Variants in CSMD2 observed in about 807,000 individuals in gnomAD.
The protein encoded by CSMD2 is CUB and Sushi multiple domains 2.
CSMD2 carries 130 observed loss-of-function variants against 398.5 expected under a neutral mutation model. The observed-to-expected ratio is 0.33, with a 90% CI of 0.28 to 0.38. CSMD2 has a LOEUF of 0.38. Ranked by LOEUF, CSMD2 falls within the 10% of genes least tolerant of loss-of-function variation. The pLI is 1.00. For missense variants in CSMD2, 3,829 were observed against 4,764.9 expected (o/e 0.80, Z 5.78); for synonymous variants, 1,828 against 1,908.5 (o/e 0.96, Z 1.10).
At chr1:33,557,583 T>C (rs1658130135) in intron 55 of CSMD2, 151 bp downstream of exon 55, 1 of 705,102 alleles carries the variant, frequency 1.4e-6, no homozygotes, top group Non-Finnish European at 2.3e-6. Flanking sequence ...GTAGCCAGAG[T>C]GACTGTCACC....
chr1:33,634,071 G>T (rs907322936), intron 31 of CSMD2, among the ~76,000 whole-genome samples: 2 of 152,340 alleles, frequency 1.3e-5, no homozygotes, highest in South Asian at 4.1e-4. Context: ...CTGGGTAGCA[G>T]ATCAGATTGG....
At chr1:33,947,198 T>C (rs944866907) in intron 3 of CSMD2, among the ~76,000 whole-genome samples, 8 of 152,228 alleles carry the variant, frequency 5.3e-5, no homozygotes, top group African/African-American at 1.9e-4. Context: ...CCTGGAAGGT[T>C]ACTCTATCCC....
chr1:33,671,848 C>T (rs529714), intron 25 of CSMD2, among the ~76,000 whole-genome samples: 143,153 of 152,236 alleles, frequency 0.94, 67,407 homozygotes, highest in African/African-American at 0.98. Flanking sequence ...TCTGAGATCA[C>T]GGTCCTCAGT....
At chr1:33,747,237 T>G (rs1557832758) in intron 13 of CSMD2, among the ~76,000 whole-genome samples, 1 of 152,246 alleles carries the variant, frequency 6.6e-6, no homozygotes, top group Non-Finnish European at 1.5e-5. Context: ...ATTTAAATAA[T>G]TTATGTAAAC....
rs982051407 is a variant in CSMD2 at position 33,537,246 on chromosome 1, G to T, written c.9806-151C>A. 1.8e-6 allele frequency: 2 copies of T among 1,111,844 alleles called. No homozygotes were observed. Among genetic ancestry groups the T allele is most frequent in the Admixed American group, 2.0e-5 (1 of 50,100 alleles). The allele number at this position is 1,111,844 out of a possible 1,614,324, so 68.9% of individuals were successfully genotyped here. ...CCCCACCTGAGCCTTGGCCCTGGCTGTCTATTTGACTCCTCGAAGCACACT... is the reference window on the plus strand; with the variant it reads ...CCCCACCTGAGCCTTGGCCCTGGCTTTCTATTTGACTCCTCGAAGCACACT... On this transcript the variant is annotated intron_variant, in intron 61 of 70. Transcript: ENST00000373381. This position sits in a 1 kb window ranked among gnomAD's most constrained non-coding sequence, Gnocchi z 4.6.
chr1:33,626,453 C>T (rs1642133841), intron 33 of CSMD2, 33 bp downstream of exon 33: 1 of 1,498,134 alleles, frequency 6.7e-7, no homozygotes, highest in Non-Finnish European at 9.1e-7. Context: ...ACCGAGATCA[C>T]CTTCCTACCT....
chr1:33,680,147 CCTTTTTT>C (rs1473394415), intron 25 of CSMD2, among the ~76,000 whole-genome samples: 23 of 66,236 alleles, frequency 3.5e-4, no homozygotes, highest in African/African-American at 1.4e-3. Context: ...GATGGCCTCG[CCTTTTTT>C]TTTTTTTTTT....
chr1:34,056,323 T>C (rs1186245042), intron 2 of CSMD2, among the ~76,000 whole-genome samples: 1 of 152,196 alleles, frequency 6.6e-6, no homozygotes, highest in Non-Finnish European at 1.5e-5. Flanking sequence ...TTCCTTCATG[T>C]TTCTGCCTCA....
At chr1:34,118,916 T>C (rs1158719609) in intron 1 of CSMD2, among the ~76,000 whole-genome samples, 1 of 152,092 alleles carries the variant, frequency 6.6e-6, no homozygotes, top group African/African-American at 2.4e-5. Flanking sequence ...TTTGCAGAAA[T>C]AGAAAAAGCC....
intron 7 of CSMD2, among the ~76,000 whole-genome samples, chr1:33,821,887 A>T (rs938764491): frequency 1.3e-5 from 2 of 152,168 alleles, no homozygotes; most frequent in African/African-American, 2.4e-5. Context: ...ACACGGCAAC[A>T]GAGATGACAA....
chr1:34,154,430 G>A (rs1003638593), intron 1 of CSMD2, among the ~76,000 whole-genome samples: 1 of 152,212 alleles, frequency 6.6e-6, no homozygotes, highest in African/African-American at 2.4e-5. Context: ...AAATGGGAAT[G>A]TACAAGGATG....
chr1:33,957,072 C>G (rs981651811), intron 3 of CSMD2, among the ~76,000 whole-genome samples: 2 of 152,024 alleles, frequency 1.3e-5, no homozygotes, highest in Non-Finnish European at 2.9e-5. Flanking sequence ...GAGGCCTCCC[C>G]TCACCACACA....
At chr1:33,727,154 GTTAA>G (rs1646561867) in intron 15 of CSMD2, among the ~76,000 whole-genome samples, 1 of 152,218 alleles carries the variant, frequency 6.6e-6, no homozygotes. Flanking sequence ...CATGGGATGT[GTTAA>G]TTGTGTTACA....
At chr1:33,541,768 G>A (rs1350388896) in intron 58 of CSMD2, among the ~76,000 whole-genome samples, 1 of 152,220 alleles carries the variant, frequency 6.6e-6, no homozygotes, top group African/African-American at 2.4e-5. Context: ...GAAGTATCCA[G>A]AGGGCTCAGT....
chr1:33,990,762 GT>G (rs1646524000), intron 3 of CSMD2, among the ~76,000 whole-genome samples: 1 of 152,160 alleles, frequency 6.6e-6, no homozygotes, highest in East Asian at 1.9e-4. Context: ...CCAGCCTTAG[GT>G]TGAGGCCAGG....
chr1:33,995,555 G>C (rs1315253122), intron 3 of CSMD2, among the ~76,000 whole-genome samples: 1 of 152,172 alleles, frequency 6.6e-6, no homozygotes, highest in African/African-American at 2.4e-5. Flanking sequence ...TCAAGACCCA[G>C]GGCTTGTGCA....
At chr1:33,773,189 A>T (rs572548962) in intron 12 of CSMD2, among the ~76,000 whole-genome samples, 1 of 152,330 alleles carries the variant, frequency 6.6e-6, no homozygotes, top group African/African-American at 2.4e-5. Flanking sequence ...TGAACTGCTA[A>T]TGTCACGACA....
intron 21 of CSMD2, among the ~76,000 whole-genome samples, chr1:33,712,254 C>G (rs1328107524): frequency 6.6e-6 from 1 of 152,112 alleles, no homozygotes; most frequent in East Asian, 1.9e-4. Flanking sequence ...CTGGGGTCCC[C>G]TGGGGTCAGG....
Position 33,614,144 on chromosome 1 carries a change from C to T in CSMD2, c.6133+360G>A, listed in dbSNP as rs182550707. On this transcript the variant is annotated intron_variant, in intron 40 of 70. Transcript: ENST00000373381. ...GTACGACAGATTTCCGCCCCACCCC[C>T]GCCTTTTTTTTTAAGTCCCTGAGTA... is the stretch of plus-strand genomic sequence containing the variant. Among the ~76,000 whole-genome samples, 497 of 148,542 alleles carry T rather than the reference C, an allele frequency of 3.3e-3. 3 individuals are homozygous for T. Among genetic ancestry groups the T allele is most frequent in the Non-Finnish European group, 5.4e-3 (355 of 66,020 alleles).
Sources: allele counts gnomAD v4.1 joint callset (sites outside exome capture counted in the v4.1 genomes callset), GRCh38; gene constraint gnomAD v4.1.1; non-coding constraint Gnocchi (gnomAD v3.1); transcripts MANE v1.5; gene names NCBI Gene and HGNC (gene_info 2026-07-23, HGNC 2026-07-21).